ZC3H18: variants seen among roughly 807,000 people sequenced by gnomAD.
ZC3H18 encodes the protein zinc finger CCCH domain-containing protein 18.
In ZC3H18, 8 loss-of-function variants were observed where a neutral mutation model predicts 106.1. The observed-to-expected ratio is 0.08, with a 90% CI of 0.04 to 0.14. The LOEUF (loss-of-function observed/expected upper bound fraction) is 0.14. Among genes scored for constraint, ZC3H18 ranks in the 10% least tolerant of loss-of-function variants. The pLI is 1.00. For missense variants in ZC3H18, 1,318 were observed against 1,278.4 expected (o/e 1.03, Z -0.47); for synonymous variants, 635 against 522.1 (o/e 1.22, Z -2.95).
intron 3 of ZC3H18, 21 bp downstream of exon 3, chr16:88,586,705 CCTT>C (rs749726859): frequency 2.8e-5 from 45 of 1,608,914 alleles, no homozygotes; most frequent in Non-Finnish European, 3.3e-5. Context: ...GCGTGTGAGG[CCTT>C]CTCGCAGCCA....
intron 1 of ZC3H18, among the ~76,000 whole-genome samples, chr16:88,573,385 T>C (rs913946282): frequency 1.3e-5 from 2 of 152,028 alleles, no homozygotes; most frequent in African/African-American, 4.8e-5. Flanking sequence ...CACCGGTGAC[T>C]TACTGCCACA....
At chr16:88,576,312 G>A (rs75066007) in intron 1 of ZC3H18, among the ~76,000 whole-genome samples, 4,547 of 152,200 alleles carry the variant, frequency 0.03, 91 homozygotes, top group Middle Eastern at 0.075. Flanking sequence ...AAAGTGCTGA[G>A]ATTGTAGATG....
chr16:88,597,665 C>G (rs1203839865), intron 3 of ZC3H18, among the ~76,000 whole-genome samples: 1 of 152,182 alleles, frequency 6.6e-6, no homozygotes, highest in Non-Finnish European at 1.5e-5. Context: ...CCAGAAATAT[C>G]TTGAAATGCC....
rs1914800426 is a variant in ZC3H18 at position 88,577,114 on chromosome 16, G to A, written c.-10G>A. 2 of 1,524,158 alleles carry A rather than the reference G, an allele frequency of 1.3e-6. No homozygotes were observed. The highest frequency in any genetic ancestry group is 2.2e-5 in the Admixed American group (1 of 46,056). The allele number at this position is 1,524,158 out of a possible 1,614,324, so 94.4% of individuals were successfully genotyped here. A position where few individuals can be genotyped will look rare whatever the true frequency, so the allele number is the denominator to read the frequency against. ...TCTGTATTCTCTCTTTTGCAGAACC[G>A]TGGGTACCGATGGATGTGGCCGAGA... On this transcript the variant is annotated 5_prime_UTR_variant, in exon 2 of 18. It adds an upstream start codon to the 5' untranslated region. Transcript: ENST00000301011.
At chr16:88,623,603 G>A (rs981656264) in intron 10 of ZC3H18, 29 of 587,856 alleles carry the variant, frequency 4.9e-5, no homozygotes, top group East Asian at 3.9e-4. Context: ...CCAGTCCTCC[G>A]CAGACAGGCC....
rs764603289 is a variant in ZC3H18 at position 88,622,260 on chromosome 16, T to C, written c.1539T>C (p.Asp513=). The C allele has an allele frequency of 1.2e-6, 2 of 1,614,040 alleles. No individual in the cohort carries two copies. The highest frequency in any genetic ancestry group is 1.7e-6 in the Non-Finnish European group (2 of 1,179,978). ...ATTGPQVKRA[D]EWKDPWRRSK... Reference sequence around the variant, plus strand: ...CGGGGCCGCAGGTGAAGAGAGCAGATGAGTGGAAGGACCCTTGGCGCCGAT... The same window carrying C: ...CGGGGCCGCAGGTGAAGAGAGCAGACGAGTGGAAGGACCCTTGGCGCCGAT... The change falls in exon 9 of 18, where the codon GAT becomes GAC. Residue 513 remains aspartate (D), a synonymous_variant. Transcript: ENST00000301011.
chr16:88,594,064 A>G (rs1904318246), intron 3 of ZC3H18, among the ~76,000 whole-genome samples: 1 of 152,070 alleles, frequency 6.6e-6, no homozygotes, highest in Non-Finnish European at 1.5e-5. Context: ...AGGCTTTTAG[A>G]TGCCCCTCCC....
chr16:88,574,298 C>T (rs981543275), intron 1 of ZC3H18, among the ~76,000 whole-genome samples: 16 of 151,668 alleles, frequency 1.1e-4, no homozygotes, highest in Non-Finnish European at 2.1e-4. Flanking sequence ...CAACCACTGT[C>T]TCCCAGGTTC....
intron 1 of ZC3H18, among the ~76,000 whole-genome samples, chr16:88,573,927 C>G (rs983575286): frequency 2.2e-4 from 33 of 151,574 alleles, no homozygotes; most frequent in African/African-American, 8.0e-4. Flanking sequence ...TGCTGGAGAG[C>G]AATGACACAA....
chr16:88,599,872 G>C lies in ZC3H18; in HGVS notation c.1012G>C (p.Glu338Gln), dbSNP rs779192188. The change falls in exon 6 of 18, where the codon GAA becomes CAA. Residue 338 changes from glutamate to glutamine, a missense_variant. Transcript: ENST00000301011. ...GTTTACGGTGACCATTGGCGAAGACGAACGGGAATTTGACAAAGAAAATGA... is the reference window on the plus strand; with the variant it reads ...GTTTACGGTGACCATTGGCGAAGACCAACGGGAATTTGACAAAGAAAATGA... ...KRFTVTIGED[E>Q]REFDKENEVF... The C allele has an allele frequency of 6.2e-7, 1 of 1,614,094 alleles. No individual in the cohort carries two copies. Among genetic ancestry groups the C allele is most frequent in the African/African-American group, 1.3e-5 (1 of 74,928 alleles).
intron 8 of ZC3H18, among the ~76,000 whole-genome samples, chr16:88,613,746 T>C (rs573090343): frequency 2.8e-4 from 43 of 152,362 alleles, no homozygotes; most frequent in African/African-American, 8.4e-4. Flanking sequence ...ATCAGGTTCA[T>C]GATGTGCAGT....
Position 88,631,772 on chromosome 16 carries a change from T to C in ZC3H18, c.*473T>C. ...CCCGCCCCCGGATCAGAAATATATC[T>C]ATATTCTCGACTAAAGTCTCATCAG... On this transcript the variant is annotated 3_prime_UTR_variant, in exon 18 of 18. Transcript: ENST00000301011. 1 of 338,588 alleles carries C rather than the reference T, an allele frequency of 3.0e-6. No individual in the cohort carries two copies. Among genetic ancestry groups the C allele is most frequent in the Non-Finnish European group, 5.8e-6 (1 of 171,882 alleles). The allele number at this position is 338,588 out of a possible 1,614,324, so 21.0% of individuals were successfully genotyped here. A position where few individuals can be genotyped will look rare whatever the true frequency, so the allele number is the denominator to read the frequency against.
intron 15 of ZC3H18, 165 bp from the exon 16 acceptor site, chr16:88,628,593 T>A: frequency 1.5e-6 from 1 of 682,002 alleles, no homozygotes. Flanking sequence ...GTGCCCTTGG[T>A]CCGGGTCCTG....
chr16:88,585,397 T>C (rs1915376156), intron 2 of ZC3H18, among the ~76,000 whole-genome samples: 1 of 152,250 alleles, frequency 6.6e-6, no homozygotes, highest in Non-Finnish European at 1.5e-5. Flanking sequence ...AGATGCTGCC[T>C]GGGCCCAGCA....
chr16:88,611,373 C>T lies in ZC3H18; in HGVS notation c.1312C>T (p.Arg438Trp), dbSNP rs762834942. 9.0e-6 allele frequency: 9 copies of T among 1,003,272 alleles called. No individual in the cohort carries two copies. The highest frequency in any genetic ancestry group is 5.5e-5 in the South Asian group (4 of 73,240). The allele number at this position is 1,003,272 out of a possible 1,614,324, so 62.1% of individuals were successfully genotyped here. ...CCGGCAGAGGGAGCGCGAGCGAGAG[C>T]GGGAGCGCGAGCGCGACAAGGAGCG... ...ERRQRERERE[R>W]ERERDKERQR... Residue 438 changes from arginine to tryptophan, a missense_variant, in exon 8 of 18, where the codon CGG becomes TGG. Transcript: ENST00000301011.
chr16:88,598,737 C>T (rs759115184), intron 5 of ZC3H18, 25 bp downstream of exon 5: 10 of 1,591,630 alleles, frequency 6.3e-6, no homozygotes, highest in East Asian at 2.3e-5. Context: ...GCAGAAATCC[C>T]GACAAGAAAG....
chr16:88,576,265 C>G (rs1914742982), intron 1 of ZC3H18, among the ~76,000 whole-genome samples: 1 of 152,004 alleles, frequency 6.6e-6, no homozygotes, highest in African/African-American at 2.4e-5. Context: ...TGGTCTCGAA[C>G]TGCTGGGCTC....
At position 88,630,540 on chromosome 16, in the gene ZC3H18, G is replaced by A. The variant is rs1414299407; in HGVS notation, c.2622G>A (p.Gln874=). 5.0e-6 allele frequency: 8 copies of A among 1,612,458 alleles called. No homozygotes were observed. The highest frequency in any genetic ancestry group is 5.9e-6 in the Non-Finnish European group (7 of 1,179,798). ...GRLGSPKPER[Q]RGQNSKAPAA... Reference sequence around the variant, plus strand: ...TGGGCTCCCCGAAGCCAGAGCGGCAGAGAGGCCAGAACTCCAAAGCCCCTG... The same window carrying A: ...TGGGCTCCCCGAAGCCAGAGCGGCAAAGAGGCCAGAACTCCAAAGCCCCTG... Residue 874 remains glutamine, a synonymous_variant, in exon 17 of 18, where the codon CAG becomes CAA. Coordinates refer to ENST00000301011, the MANE Select transcript of ZC3H18 (RefSeq NM_144604.4).
intron 3 of ZC3H18, among the ~76,000 whole-genome samples, chr16:88,593,953 C>T (rs1904313924): frequency 6.6e-6 from 1 of 152,170 alleles, no homozygotes; most frequent in Non-Finnish European, 1.5e-5. Flanking sequence ...TCAGAAGAAC[C>T]AAGTTGGAAA....
Sources: gnomAD v4.1 joint callset for allele counts (sites outside exome capture counted in the v4.1 genomes callset) on GRCh38, gnomAD v4.1.1 for gene constraint, MANE v1.5 for transcripts, NCBI Gene and HGNC (gene_info 2026-07-23, HGNC 2026-07-21) for gene names.